Variants in LIMS1 observed in about 807,000 individuals in gnomAD.
The protein encoded by LIMS1 is LIM and senescent cell antigen-like-containing domain protein 1.
A neutral mutation model predicts 44.1 loss-of-function variants in LIMS1; 18 were observed. That is an observed-to-expected ratio of 0.41 (90% CI 0.28 to 0.61). The LOEUF is 0.61. Among genes scored for constraint, LIMS1 ranks in the 20% least tolerant of loss-of-function variants. The pLI is 0.32. For synonymous variants in LIMS1, 93 were observed against 149.1 expected, an observed-to-expected ratio of 0.62 and a Z score of 2.74; for missense variants, 201 against 422.0, an observed-to-expected ratio of 0.48 and a Z score of 4.59.
chr2:108,646,798 C>T (rs980590056), intron 1 of LIMS1, among the ~76,000 whole-genome samples: 3 of 152,152 alleles, frequency 2.0e-5, no homozygotes, highest in Admixed American at 6.5e-5. Context: ...CTCCGCCTCC[C>T]GAGTTCATGC....
At chr2:108,615,494 A>G (rs1687880605) in intron 1 of LIMS1, among the ~76,000 whole-genome samples, 1 of 152,044 alleles carries the variant, frequency 6.6e-6, no homozygotes, top group Non-Finnish European at 1.5e-5. Context: ...GGTGATCAGC[A>G]TGCCTTTTTG....
chr2:108,551,491 G>GCACACACA (rs67589132), intron 1 of LIMS1, among the ~76,000 whole-genome samples: 62 of 114,860 alleles, frequency 5.4e-4, no homozygotes, highest in Non-Finnish European at 9.2e-4. Context: ...GCGCGCGCGC[G>GCACACACA]CACACACACA....
chr2:108,681,099 A>C (rs964610476), intron 9 of LIMS1: 6 of 1,274,904 alleles, frequency 4.7e-6, no homozygotes, highest in Non-Finnish European at 5.9e-6. Flanking sequence ...GAAAAAGAAA[A>C]AGCCAGTCTG....
chr2:108,607,290 C>T (rs1222872279), intron 1 of LIMS1: 1 of 1,544,654 alleles, frequency 6.5e-7, no homozygotes, highest in Non-Finnish European at 8.8e-7. Context: ...GCTGTTCCCC[C>T]TCCAAATGAA....
intron 1 of LIMS1, among the ~76,000 whole-genome samples, chr2:108,546,293 A>G (rs868129023): frequency 6.4e-5 from 1 of 15,620 alleles, no homozygotes; most frequent in Non-Finnish European, 1.2e-4. Flanking sequence ...TTTTTTTTTT[A>G]GGAGACAGAG....
intron 1 of LIMS1, among the ~76,000 whole-genome samples, chr2:108,566,487 G>A (rs1461736106): frequency 2.6e-5 from 4 of 152,204 alleles, no homozygotes; most frequent in African/African-American, 4.8e-5. Context: ...CACACAGTAG[G>A]TGGCAGAGCT....
chr2:108,540,125 G>C (rs1684267859), intron 1 of LIMS1, among the ~76,000 whole-genome samples: 3 of 148,348 alleles, frequency 2.0e-5, no homozygotes, highest in Non-Finnish European at 3.0e-5. Context: ...CTAAGTGTTT[G>C]AAGTGGAACA....
chr2:108,633,057 C>T (rs1558819211), intron 1 of LIMS1, among the ~76,000 whole-genome samples: 1 of 152,234 alleles, frequency 6.6e-6, no homozygotes. Flanking sequence ...ATCCCCTGCT[C>T]TGCTCTGAAA....
At chr2:108,557,352 C>T (rs939415965) in intron 1 of LIMS1, among the ~76,000 whole-genome samples, 17 of 152,098 alleles carry the variant, frequency 1.1e-4, no homozygotes, top group African/African-American at 4.1e-4. Context: ...GTTGAGATTA[C>T]AAGTGTGAGC....
At chr2:108,641,068 C>T (rs1222560755) in intron 1 of LIMS1, among the ~76,000 whole-genome samples, 2 of 152,168 alleles carry the variant, frequency 1.3e-5, no homozygotes, top group East Asian at 3.9e-4. Flanking sequence ...TTTCACTTAA[C>T]ATAATGTACC....
At chr2:108,660,512 C>T in intron 2 of LIMS1, 1 of 349,414 alleles carries the variant, frequency 2.9e-6, no homozygotes, top group Non-Finnish European at 5.6e-6. Context: ...TAGCTCATTG[C>T]AGCCTTGAAC....
At chr2:108,598,402 G>T (rs1686828675) in intron 1 of LIMS1, among the ~76,000 whole-genome samples, 1 of 152,182 alleles carries the variant, frequency 6.6e-6, no homozygotes, top group Non-Finnish European at 1.5e-5. Context: ...CTGTGACTTT[G>T]TATAGGCTAG....
chr2:108,597,194 C>T (rs12463986), intron 1 of LIMS1, among the ~76,000 whole-genome samples: 54,884 of 151,696 alleles, frequency 0.36, 11,799 homozygotes, highest in East Asian at 0.88. Flanking sequence ...CAGATGTGAG[C>T]CACCGTGCTT....
chr2:108,628,293 T>A (rs1455994578), intron 1 of LIMS1, among the ~76,000 whole-genome samples: 2 of 152,248 alleles, frequency 1.3e-5, no homozygotes, highest in Non-Finnish European at 2.9e-5. Context: ...TTACTTCTTT[T>A]CAGTTTTTCC....
chr2:108,587,630 T>TG (rs1328815429), intron 1 of LIMS1, among the ~76,000 whole-genome samples: 3 of 152,176 alleles, frequency 2.0e-5, no homozygotes, highest in South Asian at 2.1e-4. Context: ...GTATTTTCAG[T>TG]GAATTCAGGC....
At chr2:108,558,462 G>T (rs953020186) in intron 1 of LIMS1, among the ~76,000 whole-genome samples, 3 of 151,918 alleles carry the variant, frequency 2.0e-5, no homozygotes, top group Admixed American at 6.6e-5. Context: ...GCCTGCCTCA[G>T]CCTCCCAAAG....
chr2:108,646,664 C>G (rs1009695841), intron 1 of LIMS1, among the ~76,000 whole-genome samples: 2 of 152,180 alleles, frequency 1.3e-5, no homozygotes, highest in Admixed American at 1.3e-4. Context: ...ACGAAAAACC[C>G]TTTAAAAAAT....
chr2:108,604,724 C>T (rs565985451), intron 1 of LIMS1, among the ~76,000 whole-genome samples: 1 of 152,294 alleles, frequency 6.6e-6, no homozygotes, highest in South Asian at 2.1e-4. Context: ...ACCCCCACTG[C>T]CCCTGCTCCT....
intron 1 of LIMS1, among the ~76,000 whole-genome samples, chr2:108,643,699 C>T (rs1035025123): frequency 5.3e-5 from 8 of 152,114 alleles, no homozygotes; most frequent in African/African-American, 1.9e-4. Flanking sequence ...AGGGCTGAAG[C>T]CAGGGAGCCA....
Sources: gnomAD v4.1 joint callset for allele counts (sites outside exome capture counted in the v4.1 genomes callset) on GRCh38, gnomAD v4.1.1 for gene constraint, MANE v1.5 for transcripts, NCBI Gene and HGNC (gene_info 2026-07-23, HGNC 2026-07-21) for gene names.